MS4A8: variants seen among roughly 807,000 people sequenced by gnomAD.
MS4A8 encodes the protein membrane spanning 4-domains A8.
A neutral mutation model predicts 23.7 loss-of-function variants in MS4A8; 27 were observed. The observed-to-expected ratio is 1.14, with a 90% CI of 0.84 to 1.57. The LOEUF is 1.57. Ranked by LOEUF, MS4A8 falls within the 40% of genes most tolerant of loss-of-function variation. The pLI, the probability that MS4A8 is intolerant of heterozygous loss-of-function variation, is 0.00. For synonymous variants in MS4A8, 138 were observed against 126.3 expected, an observed-to-expected ratio of 1.09 and a Z score of -0.62; for missense variants, 301 against 311.4, an observed-to-expected ratio of 0.97 and a Z score of 0.25.
intron 3 of MS4A8, among the ~76,000 whole-genome samples, chr11:60,704,356 G>A (rs895706886): frequency 5.3e-5 from 8 of 151,904 alleles, no homozygotes; most frequent in Non-Finnish European, 7.4e-5. Context: ...CCTGACCTCA[G>A]GTGATCCACT....
chr11:60,705,429 C>A (rs1256283711), intron 3 of MS4A8, among the ~76,000 whole-genome samples: 1 of 152,254 alleles, frequency 6.6e-6, no homozygotes, highest in Non-Finnish European at 1.5e-5. Context: ...GCCCTCATGA[C>A]CTTCCTCCTT....
intron 5 of MS4A8, among the ~76,000 whole-genome samples, chr11:60,712,746 C>T (rs2134662373): frequency 6.6e-6 from 1 of 151,510 alleles, no homozygotes; most frequent in Non-Finnish European, 1.5e-5. Flanking sequence ...ATGCTGAGCT[C>T]ATGCCACTGC....
chr11:60,714,948 C>CCAAAGCCACAA, intron 5 of MS4A8, 73 bp from the exon 6 acceptor site: 6 of 1,034,534 alleles, frequency 5.8e-6, no homozygotes, highest in Non-Finnish European at 9.2e-6. Context: ...GAGTCCATGG[C>CCAAAGCCACAA]AGGGCCCCAG....
At chr11:60,707,541 C>T (rs1789408812) in intron 4 of MS4A8, among the ~76,000 whole-genome samples, 1 of 152,214 alleles carries the variant, frequency 6.6e-6, no homozygotes, top group African/African-American at 2.4e-5. Context: ...TTGTGCTCCC[C>T]TAGCAACAGA....
At chr11:60,703,089 C>A in intron 2 of MS4A8, 1 of 240,226 alleles carries the variant, frequency 4.2e-6, no homozygotes, top group South Asian at 8.5e-5. Flanking sequence ...TACTTAATGC[C>A]ATGAGGACAC....
intron 5 of MS4A8, chr11:60,712,227 A>C: frequency 1.6e-6 from 1 of 629,504 alleles, no homozygotes. Context: ...ATGACAATGA[A>C]CCTCTCCCTC....
chr11:60,706,874 T>C, intron 3 of MS4A8, 114 bp from the exon 4 acceptor site: 1 of 862,302 alleles, frequency 1.2e-6, no homozygotes, highest in South Asian at 1.4e-5. Context: ...GTTGCCCATG[T>C]TGAGCTGATG....
intron 2 of MS4A8, chr11:60,701,421 G>A: frequency 2.3e-6 from 1 of 431,150 alleles, no homozygotes. Flanking sequence ...ACAAGGTGGA[G>A]TCAGAATCCA....
chr11:60,704,277 C>T (rs112486595), intron 3 of MS4A8, among the ~76,000 whole-genome samples: 8 of 151,922 alleles, frequency 5.3e-5, no homozygotes, highest in Non-Finnish European at 1.0e-4. Context: ...CGCACCACCA[C>T]GCCCGGCTAA....
At chr11:60,707,606 C>T (rs868731459) in intron 4 of MS4A8, among the ~76,000 whole-genome samples, 6 of 152,058 alleles carry the variant, frequency 3.9e-5, no homozygotes, top group African/African-American at 1.4e-4. Flanking sequence ...AAAGGGTGAC[C>T]AGGTCCCTAC....
At chr11:60,702,546 G>A (rs1451207653) in intron 2 of MS4A8, among the ~76,000 whole-genome samples, 3 of 152,184 alleles carry the variant, frequency 2.0e-5, no homozygotes, top group Non-Finnish European at 2.9e-5. Context: ...GGGATTACAG[G>A]CACCCACCAT....
intron 5 of MS4A8, among the ~76,000 whole-genome samples, chr11:60,714,350 T>A (rs1460385121): frequency 6.6e-6 from 1 of 151,954 alleles, no homozygotes; most frequent in South Asian, 2.1e-4. Flanking sequence ...GGGTTGGGGG[T>A]AGGGTTACAG....
Position 60,715,459 on chromosome 11 carries a change from C to T in MS4A8, c.*45C>T. 1 of 1,499,622 alleles carries T rather than the reference C, an allele frequency of 6.7e-7. No homozygotes were observed. The allele number at this position is 1,499,622 out of a possible 1,614,324, so 92.9% of individuals were successfully genotyped here. Reference sequence around the variant, plus strand: ...ATCTTTCACTGGGACCAAAAGAAGTCCTCCTCCCTTTCTGGGCTTCCATAA... The same window carrying T: ...ATCTTTCACTGGGACCAAAAGAAGTTCTCCTCCCTTTCTGGGCTTCCATAA... On this transcript the variant is annotated 3_prime_UTR_variant, in exon 7 of 7. Transcript: ENST00000300226.
chr11:60,715,794 T>C lies in MS4A8; in HGVS notation c.*380T>C. On this transcript the variant is annotated 3_prime_UTR_variant, in exon 7 of 7. Coordinates refer to ENST00000300226, the MANE Select transcript of MS4A8 (RefSeq NM_031457.2). ...TTCAATTGTGCATTCATTTAATAAA[T>C]AGATACTGAGCATTCAATGTGTTCA... is the stretch of plus-strand genomic sequence containing the variant. 1 of 260,926 alleles carries C rather than the reference T, an allele frequency of 3.8e-6. No individual in the cohort carries two copies. Among genetic ancestry groups the C allele is most frequent in the Non-Finnish European group, 7.4e-6 (1 of 134,504 alleles). The allele number at this position is 260,926 out of a possible 1,614,324, so 16.2% of individuals were successfully genotyped here.
chr11:60,699,837 T>C (rs2134651033), intron 1 of MS4A8, 62 bp downstream of exon 1: 1 of 152,358 alleles, frequency 6.6e-6, no homozygotes, highest in Non-Finnish European at 1.5e-5. Flanking sequence ...TTCTACCAAG[T>C]GAGACTTACG....
intron 4 of MS4A8, among the ~76,000 whole-genome samples, chr11:60,708,405 A>G (rs1011502126): frequency 6.6e-6 from 1 of 152,202 alleles, no homozygotes; most frequent in Non-Finnish European, 1.5e-5. Flanking sequence ...GATTCACATT[A>G]AGAAACACTT....
intron 2 of MS4A8, 143 bp from the exon 3 acceptor site, chr11:60,703,235 G>A: frequency 2.1e-6 from 2 of 966,302 alleles, no homozygotes; most frequent in African/African-American, 3.4e-5. Flanking sequence ...GAGATTACAG[G>A]TAGTTTTTAT....
At chr11:60,713,375 A>G (rs2088315793) in intron 5 of MS4A8, among the ~76,000 whole-genome samples, 1 of 149,448 alleles carries the variant, frequency 6.7e-6, no homozygotes, top group African/African-American at 2.6e-5. Flanking sequence ...ATTGATCATT[A>G]TTGGGCATGG....
intron 6 of MS4A8, 37 bp from the exon 7 acceptor site, chr11:60,715,273 C>T (rs1338260450): frequency 6.3e-7 from 1 of 1,587,328 alleles, no homozygotes; most frequent in Non-Finnish European, 8.7e-7. Context: ...ATGGCCCGTC[C>T]TTCTTAGCAT....
Sources: allele counts gnomAD v4.1 joint callset (sites outside exome capture counted in the v4.1 genomes callset), GRCh38; gene constraint gnomAD v4.1.1; transcripts MANE v1.5; gene names NCBI Gene and HGNC (gene_info 2026-07-23, HGNC 2026-07-21).